Variants in MAPKAPK2 observed in about 807,000 individuals in gnomAD.
The protein encoded by MAPKAPK2 is MAP kinase-activated protein kinase 2.
A neutral mutation model predicts 48.8 loss-of-function variants in MAPKAPK2; 9 were observed. The ratio of observed to expected loss-of-function variants is 0.18; its 90% CI spans 0.11 to 0.32. The LOEUF (loss-of-function observed/expected upper bound fraction) is 0.32. Among genes scored for constraint, MAPKAPK2 ranks in the 10% least tolerant of loss-of-function variants. The pLI is 1.00. For synonymous variants in MAPKAPK2, 202 were observed against 190.6 expected (o/e 1.06, Z -0.49); for missense variants, 331 against 498.3 (o/e 0.66, Z 3.20).
chr1:206,701,830 C>CT (rs1484377869), intron 1 of MAPKAPK2, among the ~76,000 whole-genome samples: 5 of 80,212 alleles, frequency 6.2e-5, no homozygotes, highest in Admixed American at 1.5e-4. Flanking sequence ...GACCCTGTCT[C>CT]TAAAAAAAAA....
At chr1:206,685,586 G>C (rs1409933780) in intron 1 of MAPKAPK2, 78 bp downstream of exon 1, 2 of 1,221,890 alleles carry the variant, frequency 1.6e-6, no homozygotes, top group African/African-American at 3.3e-5. Flanking sequence ...GCCCGTCCCG[G>C]CCTGGGTCGC....
intron 1 of MAPKAPK2, among the ~76,000 whole-genome samples, chr1:206,701,744 G>A (rs1553427926): frequency 2.0e-5 from 3 of 149,484 alleles, no homozygotes; most frequent in Non-Finnish European, 4.4e-5. Context: ...TGAGGTGGGA[G>A]GATCACTTGA....
chr1:206,696,922 C>T (rs1672645706), intron 1 of MAPKAPK2, among the ~76,000 whole-genome samples: 2 of 152,148 alleles, frequency 1.3e-5, no homozygotes, highest in African/African-American at 4.8e-5. Flanking sequence ...GATGATCTCT[C>T]ACATTGTCTG....
chr1:206,710,398 T>C (rs1262969003), intron 1 of MAPKAPK2, among the ~76,000 whole-genome samples: 2 of 152,200 alleles, frequency 1.3e-5, no homozygotes, highest in Non-Finnish European at 2.9e-5. Context: ...TGTCTCCTAG[T>C]GAGAAACTCG....
At chr1:206,729,751 C>T (rs1166809644) in intron 4 of MAPKAPK2, among the ~76,000 whole-genome samples, 3 of 152,218 alleles carry the variant, frequency 2.0e-5, no homozygotes, top group Non-Finnish European at 2.9e-5. Context: ...GTGTTTACTG[C>T]GGGTTCTGTG....
At chr1:206,696,312 C>T (rs1672623573) in intron 1 of MAPKAPK2, 1 of 847,386 alleles carries the variant, frequency 1.2e-6, no homozygotes, top group Non-Finnish European at 2.1e-6. Context: ...ACGCAAGGCA[C>T]CTCTTTAGAT....
chr1:206,697,568 C>A (rs1367729713), intron 1 of MAPKAPK2, among the ~76,000 whole-genome samples: 1 of 152,186 alleles, frequency 6.6e-6, no homozygotes, highest in Non-Finnish European at 1.5e-5. Context: ...TTTTTAACAA[C>A]CAGATCTTCT....
chr1:206,732,738 C>T lies in MAPKAPK2; in HGVS notation c.*20C>T, dbSNP rs950592569. The T allele has an allele frequency of 2.0e-5, 32 of 1,613,282 alleles. No homozygotes were observed. The highest frequency in any genetic ancestry group is 1.2e-4 in the Admixed American group (7 of 59,850). On this transcript the variant is annotated 3_prime_UTR_variant, in exon 10 of 10. Coordinates refer to ENST00000367103, the MANE Select transcript of MAPKAPK2 (RefSeq NM_032960.4). This position sits in a 1 kb window ranked among gnomAD's most constrained non-coding sequence, Gnocchi z 4.4. The stretch of plus-strand genomic sequence containing the variant: ...CACTGAGCCACCGCGCCCTCCTGCC[C>T]ACGGGAGGACAAGCAATAACTCTCT...
In MAPKAPK2 at chr1:206,709,971, A is replaced by G. The variant is rs894606186; in HGVS notation, c.280-18739A>G. 2.0e-5 allele frequency among the ~76,000 whole-genome samples: 3 copies of G among 152,158 alleles called. No homozygotes were observed. In the South Asian group the frequency reaches 6.2e-4, roughly 32 times the overall value. On this transcript the variant is annotated intron_variant, in intron 1 of 9. Coordinates refer to ENST00000367103, the MANE Select transcript of MAPKAPK2 (RefSeq NM_032960.4). ...AACACCAGGTTGAGAACTATTCCCAAGGTGTAGAGCTTAGTCACCGAGAAA... is the reference window on the plus strand; with the variant it reads ...AACACCAGGTTGAGAACTATTCCCAGGGTGTAGAGCTTAGTCACCGAGAAA...
At chr1:206,695,487 TCTC>T (rs1672587387) in intron 1 of MAPKAPK2, among the ~76,000 whole-genome samples, 1 of 151,714 alleles carries the variant, frequency 6.6e-6, no homozygotes, top group Non-Finnish European at 1.5e-5. Flanking sequence ...GCTTTTTTTT[TCTC>T]CCCAGCTTAA....
rs148541296 is a variant in MAPKAPK2 at position 206,699,952 on chromosome 1, G to A, written c.279+14444G>A. The stretch of plus-strand genomic sequence containing the variant: ...TCTTTTTCTTTTCTCCTTTCTTTTC[G>A]TTTCTTTCTCTCTCTCTCTCTTCTT... On this transcript the variant is annotated intron_variant, in intron 1 of 9. Coordinates refer to ENST00000367103, the MANE Select transcript of MAPKAPK2 (RefSeq NM_032960.4). 2.7e-4 allele frequency among the ~76,000 whole-genome samples: 33 copies of A among 123,480 alleles called. 2 individuals are homozygous for A. The East Asian group carries it at 6.8e-3, about 25-fold the overall frequency. The allele number at this position is 123,480 out of a possible 152,430, so 81.0% of individuals were successfully genotyped here.
intron 5 of MAPKAPK2, 60 bp downstream of exon 5, chr1:206,730,158 T>C: frequency 6.2e-7 from 1 of 1,602,516 alleles, no homozygotes. Flanking sequence ...CAGCCCCTCC[T>C]CTTGGCTATC....
chr1:206,694,678 G>A (rs1278721664), intron 1 of MAPKAPK2, among the ~76,000 whole-genome samples: 2 of 152,190 alleles, frequency 1.3e-5, no homozygotes, highest in African/African-American at 4.8e-5. Context: ...AGGGTCCTGC[G>A]GGGAGAGCCC....
At position 206,729,893 on chromosome 1, in the gene MAPKAPK2, G is replaced by A. The variant is rs529793108; in HGVS notation, c.565-79G>A. 1.9e-6 allele frequency: 3 copies of A among 1,571,516 alleles called. No individual in the cohort carries two copies. In the African/African-American group the frequency reaches 4.0e-5, roughly 21 times the overall value. ...GTTGCTGGATGAGTAGAGGAAGGGA[G>A]GAACCAGGATCCTTTTCGTTTCTGA... On this transcript the variant is annotated intron_variant, in intron 4 of 9. Coordinates refer to ENST00000367103, the MANE Select transcript of MAPKAPK2 (RefSeq NM_032960.4).
At chr1:206,717,790 A>C (rs1451272372) in intron 1 of MAPKAPK2, among the ~76,000 whole-genome samples, 4 of 152,016 alleles carry the variant, frequency 2.6e-5, no homozygotes, top group Non-Finnish European at 4.4e-5. Flanking sequence ...CAGAACCCAA[A>C]CCCTTTTACT....
intron 1 of MAPKAPK2, among the ~76,000 whole-genome samples, chr1:206,718,637 G>A (rs908946060): frequency 5.3e-5 from 8 of 151,564 alleles, no homozygotes; most frequent in Non-Finnish European, 8.8e-5. Flanking sequence ...TGCTCTCCCC[G>A]TCGCCGTGGA....
chr1:206,685,335 C>T lies in MAPKAPK2; in HGVS notation c.106C>T (p.Pro36Ser). Residue 36 changes from proline (P) to serine (S), a missense_variant, in exon 1 of 10, where the codon CCG becomes TCG. Pro to Ser is a moderately conservative substitution (Grantham distance 74, BLOSUM62 -1). Coordinates refer to ENST00000367103, the MANE Select transcript of MAPKAPK2 (RefSeq NM_032960.4). Reference sequence around the variant, plus strand: ...CCTGCCGCACCCCCCGGCGCAGCCGCCGCCGCCGCCCCCGCAGCAGTTCCC... The same window carrying T: ...CCTGCCGCACCCCCCGGCGCAGCCGTCGCCGCCGCCCCCGCAGCAGTTCCC... Reference protein sequence around the residue: ...PALPHPPAQPPPPPPQQFPQF... With the variant: ...PALPHPPAQPSPPPPQQFPQF... The T allele has an allele frequency of 1.4e-6, 2 of 1,467,276 alleles. No homozygotes were observed. The highest frequency in any genetic ancestry group is 1.8e-6 in the Non-Finnish European group (2 of 1,099,536). 90.9% of individuals were successfully genotyped at this position (1,467,276 alleles called of 1,614,324 possible).
At chr1:206,715,462 C>T (rs1673295407) in intron 1 of MAPKAPK2, among the ~76,000 whole-genome samples, 1 of 152,190 alleles carries the variant, frequency 6.6e-6, no homozygotes. Context: ...TGGCTGCCTC[C>T]TCCTGGTTTC....
rs1183689139 is a variant in MAPKAPK2, at chr1:206,722,083, A to G, written c.280-6627A>G. On this transcript the variant is annotated intron_variant, in intron 1 of 9. Transcript: ENST00000367103. ...TCTATTTCAAAAAAAAAAAAAGGCC[A>G]GGCACGGTGGCTCATGCCTGTAATC... Among the ~76,000 whole-genome samples the G allele has an allele frequency of 4.0e-5, 6 of 149,588 alleles. 1 individual carries two copies. The South Asian group carries it at 8.4e-4, about 21-fold the overall frequency.
Sources: allele counts gnomAD v4.1 joint callset (sites outside exome capture counted in the v4.1 genomes callset), GRCh38; gene constraint gnomAD v4.1.1; non-coding constraint Gnocchi (gnomAD v3.1); transcripts MANE v1.5; gene names NCBI Gene and HGNC (gene_info 2026-07-23, HGNC 2026-07-21).